Variants in AAK1 observed in about 807,000 individuals in gnomAD.
The protein encoded by AAK1 is AP2-associated protein kinase 1.
AAK1 carries 37 observed loss-of-function variants against 116.0 expected under a neutral mutation model. The observed-to-expected ratio is 0.32, with a 90% CI of 0.25 to 0.42. The LOEUF (loss-of-function observed/expected upper bound fraction) is 0.42, where lower values mean the gene tolerates loss of function less well. Among genes scored for constraint, AAK1 ranks in the 10% least tolerant of loss-of-function variants. The pLI, the probability that AAK1 is intolerant of heterozygous loss-of-function variation, is 1.00. For missense variants in AAK1, 919 were observed against 1,170.6 expected, an observed-to-expected ratio of 0.79 and a Z score of 3.14; for synonymous variants, 458 against 439.9, an observed-to-expected ratio of 1.04 and a Z score of -0.51.
chr2:69,485,749 C>T (rs1675273484), intron 17 of AAK1, among the ~76,000 whole-genome samples: 2 of 151,010 alleles, frequency 1.3e-5, no homozygotes, highest in African/African-American at 4.9e-5. Context: ...CAACCTCCCT[C>T]TCCCATGTTC....
chr2:69,610,774 T>C (rs997463663), intron 2 of AAK1, among the ~76,000 whole-genome samples: 1 of 152,220 alleles, frequency 6.6e-6, no homozygotes, highest in Non-Finnish European at 1.5e-5. Context: ...ATGCTCAACA[T>C]TATTAGTCAT....
intron 15 of AAK1, among the ~76,000 whole-genome samples, chr2:69,506,705 A>C (rs1216693143): frequency 6.6e-6 from 1 of 152,224 alleles, no homozygotes; most frequent in Non-Finnish European, 1.5e-5. Flanking sequence ...GTTAAAGCCA[A>C]AATGTTTGGC....
chr2:69,505,751 T>C (rs1676159544), intron 15 of AAK1, 78 bp from the exon 16 acceptor site: 1 of 1,069,428 alleles, frequency 9.4e-7, no homozygotes, highest in Non-Finnish European at 1.4e-6. Context: ...GTAAGGGGCA[T>C]TCTCTGAACT....
intron 10 of AAK1, among the ~76,000 whole-genome samples, chr2:69,522,530 G>A (rs1463032760): frequency 6.6e-6 from 1 of 152,212 alleles, no homozygotes; most frequent in East Asian, 1.9e-4. Context: ...CTGGCTGGGT[G>A]TGGTGGCTCA....
At chr2:69,509,978 A>G (rs1294345732) in intron 13 of AAK1, among the ~76,000 whole-genome samples, 1 of 152,230 alleles carries the variant, frequency 6.6e-6, no homozygotes, top group Non-Finnish European at 1.5e-5. Flanking sequence ...TAGCGAGACC[A>G]CAGGTTGGGA....
At chr2:69,581,564 T>C (rs897121071) in intron 2 of AAK1, among the ~76,000 whole-genome samples, 2 of 152,142 alleles carry the variant, frequency 1.3e-5, no homozygotes, top group African/African-American at 4.8e-5. Flanking sequence ...TCAAATGAGA[T>C]TGCTAAATTG....
chr2:69,467,120 A>C lies in AAK1; in HGVS notation c.*8749T>G. The C allele has an allele frequency of 1.0e-6, 1 of 985,414 alleles. No individual in the cohort carries two copies. The highest frequency in any genetic ancestry group is 1.2e-6 in the Non-Finnish European group (1 of 829,918). 61.0% of individuals were successfully genotyped at this position (985,414 alleles called of 1,614,324 possible). On this transcript the variant is annotated 3_prime_UTR_variant, in exon 22 of 22. Transcript: ENST00000409085. ...GAGCATACGAGTGCCCAAAATATAAATACTGAAGGTACCTTCTGAGGGGAG... is the reference window on the plus strand; with the variant it reads ...GAGCATACGAGTGCCCAAAATATAACTACTGAAGGTACCTTCTGAGGGGAG...
intron 10 of AAK1, among the ~76,000 whole-genome samples, chr2:69,521,221 T>C (rs577834870): frequency 2.1e-4 from 32 of 152,362 alleles, no homozygotes; most frequent in African/African-American, 7.7e-4. Flanking sequence ...GTGGCTCTCC[T>C]TCTAGCAGAA....
chr2:69,538,852 A>G (rs552607833), intron 5 of AAK1, among the ~76,000 whole-genome samples: 31 of 152,330 alleles, frequency 2.0e-4, no homozygotes, highest in Middle Eastern at 6.8e-3. Context: ...ACTGCACTAC[A>G]GCCTGGGCAA....
intron 2 of AAK1, among the ~76,000 whole-genome samples, chr2:69,642,403 G>C (rs934888863): frequency 6.6e-6 from 1 of 151,910 alleles, no homozygotes; most frequent in African/African-American, 2.4e-5. Flanking sequence ...ACACGTTCAC[G>C]TTCTCCGAAA....
Position 69,464,700 on chromosome 2 carries a change from G to C in AAK1, c.*11169C>G, listed in dbSNP as rs547131615. ...CACTCACACTAATTTCAAAAGCATG[G>C]ATGTGGGGAAAGCCCTGCCAGCATG... is the stretch of plus-strand genomic sequence containing the variant. On this transcript the variant is annotated 3_prime_UTR_variant, in exon 22 of 22. Transcript: ENST00000409085. 6.5e-6 allele frequency: 1 copy of C among 152,712 alleles called. No homozygotes were observed. Among genetic ancestry groups the C allele is most frequent in the South Asian group, 2.1e-4 (1 of 4,822 alleles). 9.5% of individuals were successfully genotyped at this position (152,712 alleles called of 1,614,324 possible). A position where few individuals can be genotyped will look rare whatever the true frequency, so the allele number is the denominator to read the frequency against.
intron 5 of AAK1, 116 bp downstream of exon 5, chr2:69,542,407 T>TA (rs1287325598): frequency 1.5e-6 from 2 of 1,301,338 alleles, no homozygotes; most frequent in Admixed American, 2.4e-5. Flanking sequence ...AATATAAACA[T>TA]AAAAACAGGG....
Position 69,475,562 on chromosome 2 carries a change from G to A in AAK1, c.*307C>T. The A allele has an allele frequency of 1.1e-5, 12 of 1,104,688 alleles. No individual in the cohort carries two copies. The highest frequency in any genetic ancestry group is 1.3e-5 in the Non-Finnish European group (12 of 905,052). The allele number at this position is 1,104,688 out of a possible 1,614,324, so 68.4% of individuals were successfully genotyped here. A position where few individuals can be genotyped will look rare whatever the true frequency, so the allele number is the denominator to read the frequency against. ...TTTCAGTTACAGTTAAGCTTTTGGTGGAGTTGATTCCAGCAGAGGTGAAGC... is the reference window on the plus strand; with the variant it reads ...TTTCAGTTACAGTTAAGCTTTTGGTAGAGTTGATTCCAGCAGAGGTGAAGC... On this transcript the variant is annotated 3_prime_UTR_variant, in exon 22 of 22. Coordinates refer to ENST00000409085, the MANE Select transcript of AAK1 (RefSeq NM_014911.5).
chr2:69,492,616 G>A lies in AAK1; in HGVS notation c.2365+3369C>T, dbSNP rs146985934. ...CAGCTCACTGGAAACTCCACCTCCCGGGTTCAAGCAATTCTCCTGTCTCAG... is the reference window on the plus strand; with the variant it reads ...CAGCTCACTGGAAACTCCACCTCCCAGGTTCAAGCAATTCTCCTGTCTCAG... On this transcript the variant is annotated intron_variant, in intron 17 of 21. Transcript: ENST00000409085. Among the ~76,000 whole-genome samples the A allele has an allele frequency of 8.8e-3, 1,230 of 139,998 alleles. 29 individuals carry two copies. The highest frequency in any genetic ancestry group is 0.031 in the African/African-American group (1,146 of 37,218). 91.8% of individuals were successfully genotyped at this position (139,998 alleles called of 152,430 possible). A position where few individuals can be genotyped will look rare whatever the true frequency, so the allele number is the denominator to read the frequency against.
intron 2 of AAK1, among the ~76,000 whole-genome samples, chr2:69,582,030 A>AT (rs147533795): frequency 2.6e-5 from 4 of 152,026 alleles, no homozygotes; most frequent in African/African-American, 7.2e-5. Flanking sequence ...TGTGAAAAAT[A>AT]TTTTTTTAAA....
intron 14 of AAK1, among the ~76,000 whole-genome samples, chr2:69,508,194 T>C (rs1676261602): frequency 6.6e-6 from 1 of 152,214 alleles, no homozygotes; most frequent in Non-Finnish European, 1.5e-5. Context: ...AGCAACCTGT[T>C]CTTAGACTTG....
Position 69,465,528 on chromosome 2 carries a change from C to T in AAK1, c.*10341G>A, listed in dbSNP as rs997355275. ...GGAAAGGGATGTGATAGAAACAGAC[C>T]CAGCTATCGACTGCTTGTTGGTTTG... On this transcript the variant is annotated 3_prime_UTR_variant, in exon 22 of 22. Coordinates refer to ENST00000409085, the MANE Select transcript of AAK1 (RefSeq NM_014911.5). 3.9e-6 allele frequency: 5 copies of T among 1,290,732 alleles called. No individual in the cohort carries two copies. The African/African-American group carries it at 6.1e-5, about 16-fold the overall frequency. 80.0% of individuals were successfully genotyped at this position (1,290,732 alleles called of 1,614,324 possible). A position where few individuals can be genotyped will look rare whatever the true frequency, so the allele number is the denominator to read the frequency against.
intron 2 of AAK1, among the ~76,000 whole-genome samples, chr2:69,602,790 A>T (rs1351541010): frequency 6.6e-6 from 1 of 152,178 alleles, no homozygotes; most frequent in Non-Finnish European, 1.5e-5. Context: ...CACATAAACT[A>T]AGCTCACTAA....
chr2:69,528,964 T>C (rs1266800172), intron 8 of AAK1, among the ~76,000 whole-genome samples: 1 of 151,830 alleles, frequency 6.6e-6, no homozygotes, highest in African/African-American at 2.4e-5. Context: ...AATTATTAAA[T>C]GTCATAATCC....
Sources: allele counts gnomAD v4.1 joint callset (sites outside exome capture counted in the v4.1 genomes callset), GRCh38; gene constraint gnomAD v4.1.1; transcripts MANE v1.5; gene names NCBI Gene and HGNC (gene_info 2026-07-23, HGNC 2026-07-21).